CC2D2A: variants seen among roughly 807,000 people sequenced by gnomAD.
CC2D2A encodes the protein coiled-coil and C2 domain-containing protein 2A.
CC2D2A carries 155 observed loss-of-function variants against 212.9 expected under a neutral mutation model. That is an observed-to-expected ratio of 0.73 (90% CI 0.64 to 0.83). The LOEUF is 0.83. CC2D2A is among the 40% of genes least tolerant of loss of function. The pLI, the probability that CC2D2A is intolerant of heterozygous loss-of-function variation, is 0.00. For missense variants in CC2D2A, 1,856 were observed against 1,956.2 expected (o/e 0.95, Z 0.97); for synonymous variants, 667 against 686.5 (o/e 0.97, Z 0.44).
chr4:15,470,360 C>CAT (rs1713643180), intron 1 of CC2D2A, among the ~76,000 whole-genome samples: 1 of 152,088 alleles, frequency 6.6e-6, no homozygotes, highest in South Asian at 2.1e-4. Context: ...CTGCGTGTTG[C>CAT]ATTTATGGGC....
Position 15,568,817 on chromosome 4 carries a change from T to C in CC2D2A, c.3399-476T>C, listed in dbSNP as rs539930212. 1.1e-4 allele frequency among the ~76,000 whole-genome samples: 17 copies of C among 152,292 alleles called. No homozygotes were observed. The East Asian group carries it at 3.1e-3, about 28-fold the overall frequency. ...CCTTACCCCTGTATTGCTTTACTTA[T>C]ATACAGAAAAGGTGAGTGTGAGGCA... is the stretch of plus-strand genomic sequence containing the variant. On this transcript the variant is annotated intron_variant, in intron 26 of 36. Coordinates refer to ENST00000424120, the MANE Select transcript of CC2D2A (RefSeq NM_001378615.1).
intron 6 of CC2D2A, among the ~76,000 whole-genome samples, chr4:15,505,284 T>C (rs1460170610): frequency 3.9e-5 from 6 of 152,242 alleles, no homozygotes; most frequent in Non-Finnish European, 7.3e-5. Context: ...AGATTTGTGA[T>C]AGGTGAACAA....
intron 17 of CC2D2A, 24 bp from the exon 18 acceptor site, chr4:15,550,800 C>G: frequency 6.6e-7 from 1 of 1,525,596 alleles, no homozygotes; most frequent in Non-Finnish European, 8.9e-7. Context: ...TTTTTATTGG[C>G]TATTTCTCTT....
At chr4:15,475,699 G>A (rs542036648) in intron 1 of CC2D2A, among the ~76,000 whole-genome samples, 1 of 152,214 alleles carries the variant, frequency 6.6e-6, no homozygotes, top group South Asian at 2.1e-4. Context: ...CACAGTAAAG[G>A]CAGGCTCCCA....
intron 17 of CC2D2A, among the ~76,000 whole-genome samples, chr4:15,546,729 G>A (rs1718729873): frequency 6.6e-6 from 1 of 152,200 alleles, no homozygotes; most frequent in African/African-American, 2.4e-5. Flanking sequence ...TCAGACTGCT[G>A]ATCCCAGAAA....
chr4:15,584,537 C>G (rs978239434), intron 30 of CC2D2A, among the ~76,000 whole-genome samples: 27 of 152,124 alleles, frequency 1.8e-4, no homozygotes, highest in Admixed American at 2.0e-4. Context: ...AGAACTGAAA[C>G]TATGAAACTA....
At position 15,560,547 on chromosome 4, in the gene CC2D2A, T is replaced by C. The variant is rs1286930985; in HGVS notation, c.2939T>C (p.Ile980Thr). The C allele has an allele frequency of 2.0e-6, 3 of 1,514,884 alleles. No homozygotes were observed. Among genetic ancestry groups the C allele is most frequent in the Non-Finnish European group, 2.7e-6 (3 of 1,100,380 alleles). 93.8% of individuals were successfully genotyped at this position (1,514,884 alleles called of 1,614,324 possible). The change falls in exon 23 of 37, where the codon ATA becomes ACA. Residue 980 changes from isoleucine to threonine, a missense_variant. Coordinates refer to ENST00000424120, the MANE Select transcript of CC2D2A (RefSeq NM_001378615.1). The stretch of plus-strand genomic sequence containing the variant: ...TTTCCCCAGGTTAGAGAATCAGTGA[T>C]AAATCGTTTCTTAATTGCAAAACAA... Reference protein sequence around the residue: ...KYLQQVRESVINRFLIAKQYF... With the variant: ...KYLQQVRESVTNRFLIAKQYF...
At chr4:15,525,346 AGAGGAATTTT>A (rs565144385) in intron 11 of CC2D2A, among the ~76,000 whole-genome samples, 20 of 152,232 alleles carry the variant, frequency 1.3e-4, no homozygotes, top group Non-Finnish European at 2.5e-4. Context: ...AAGCAATTAG[AGAGGAATTTT>A]CCATTATGTC....
intron 17 of CC2D2A, among the ~76,000 whole-genome samples, chr4:15,542,540 A>G (rs572166426): frequency 2.3e-4 from 35 of 152,346 alleles, no homozygotes; most frequent in African/African-American, 7.5e-4. Context: ...TTCTCAATAC[A>G]GTACTTCAGG....
At chr4:15,492,799 A>G in intron 4 of CC2D2A, 1 of 668,022 alleles carries the variant, frequency 1.5e-6, no homozygotes, top group Non-Finnish European at 2.8e-6. Flanking sequence ...ATACCAGGAA[A>G]TGAGCTTGAT....
At chr4:15,571,821 T>C (rs1720183807) in intron 28 of CC2D2A, among the ~76,000 whole-genome samples, 1 of 152,204 alleles carries the variant, frequency 6.6e-6, no homozygotes, top group South Asian at 2.1e-4. Flanking sequence ...TCACACTGCC[T>C]GTGATAGTTG....
At chr4:15,511,497 G>T in intron 8 of CC2D2A, 74 bp downstream of exon 8, 1 of 1,356,160 alleles carries the variant, frequency 7.4e-7, no homozygotes, top group Non-Finnish European at 9.6e-7. Flanking sequence ...CTGCAAGAAA[G>T]AAAGTGGCTG....
At chr4:15,506,752 G>A (rs1013171250) in intron 6 of CC2D2A, among the ~76,000 whole-genome samples, 2 of 152,096 alleles carry the variant, frequency 1.3e-5, no homozygotes, top group Non-Finnish European at 2.9e-5. Context: ...CCAAGCACAG[G>A]AATCTGATCT....
chr4:15,585,064 C>G (rs1467243812), intron 30 of CC2D2A, among the ~76,000 whole-genome samples: 1 of 151,998 alleles, frequency 6.6e-6, no homozygotes, highest in Non-Finnish European at 1.5e-5. Context: ...ATTAATACAG[C>G]CAATATTGAA....
intron 11 of CC2D2A, chr4:15,519,779 C>T (rs574732297): frequency 9.7e-5 from 35 of 360,540 alleles, no homozygotes; most frequent in South Asian, 6.1e-4. Context: ...ATAAGAACGG[C>T]GCAGGAAAGA....
chr4:15,554,955 A>T, intron 19 of CC2D2A, 117 bp from the exon 20 acceptor site: 1 of 1,000,748 alleles, frequency 1.0e-6, no homozygotes, highest in Admixed American at 2.6e-5. Context: ...TTATGATAAC[A>T]TTTTCTCTCA....
At chr4:15,496,723 T>C (rs575451074) in intron 4 of CC2D2A, among the ~76,000 whole-genome samples, 1 of 152,254 alleles carries the variant, frequency 6.6e-6, no homozygotes, top group Admixed American at 6.5e-5. Flanking sequence ...AGCTTCAGAA[T>C]ACAAAATCAA....
Position 15,514,814 on chromosome 4 carries a change from C to T in CC2D2A, c.825C>T (p.Ile275=). Residue 275 remains isoleucine (I), a synonymous_variant, in exon 9 of 37, where the codon ATC becomes ATT. Coordinates refer to ENST00000424120, the MANE Select transcript of CC2D2A (RefSeq NM_001378615.1). ...TCAGACCTGCAGATTATGAAAGCATCCATGATCGGCTGCAGATGGAAAGAG... is the reference window on the plus strand; with the variant it reads ...TCAGACCTGCAGATTATGAAAGCATTCATGATCGGCTGCAGATGGAAAGAG... The part of the protein sequence containing the change: ...VAVRPADYES[I]HDRLQMEREM... 1 of 1,613,894 alleles carries T rather than the reference C, an allele frequency of 6.2e-7. No individual in the cohort carries two copies.
chr4:15,577,598 G>A lies in CC2D2A; in HGVS notation c.3772-2370G>A, dbSNP rs1173293355. On this transcript the variant is annotated intron_variant, in intron 29 of 36. Coordinates refer to ENST00000424120, the MANE Select transcript of CC2D2A (RefSeq NM_001378615.1). The stretch of plus-strand genomic sequence containing the variant: ...ATTAAAGACTAAATGCTTACCATGT[G>A]TATGCTAGGTGTACATAAGGAATAT... Among the ~76,000 whole-genome samples the A allele has an allele frequency of 2.0e-5, 3 of 152,258 alleles. No homozygotes were observed. The South Asian group carries it at 6.2e-4, about 32-fold the overall frequency.
Sources: gnomAD v4.1 joint callset for allele counts (sites outside exome capture counted in the v4.1 genomes callset) on GRCh38, gnomAD v4.1.1 for gene constraint, MANE v1.5 for transcripts, NCBI Gene and HGNC (gene_info 2026-07-23, HGNC 2026-07-21) for gene names.